The following PRKAG2 variants were observed in gnomAD, a reference collection of about 807,000 sequenced individuals.
PRKAG2 encodes protein kinase AMP-activated non-catalytic subunit gamma 2.
In PRKAG2, 26 loss-of-function variants were observed where a neutral mutation model predicts 69.6. That is an observed-to-expected ratio of 0.37 (90% CI 0.27 to 0.52). The LOEUF (loss-of-function observed/expected upper bound fraction) is 0.52, where lower values mean the gene tolerates loss of function less well. Ranked by LOEUF, PRKAG2 falls within the 20% of genes least tolerant of loss-of-function variation. PRKAG2 has a pLI of 0.90. For missense variants in PRKAG2, 557 were observed against 740.0 expected, an observed-to-expected ratio of 0.75 and a Z score of 2.87; for synonymous variants, 293 against 285.0, an observed-to-expected ratio of 1.03 and a Z score of -0.28.
At chr7:151,692,948 C>T (rs1406817703) in intron 3 of PRKAG2, among the ~76,000 whole-genome samples, 1 of 152,166 alleles carries the variant, frequency 6.6e-6, no homozygotes, top group African/African-American at 2.4e-5. Context: ...AGACAACTCC[C>T]TCCCCTCCTG....
At chr7:151,864,140 A>G (rs2080002800) in intron 1 of PRKAG2, among the ~76,000 whole-genome samples, 1 of 152,178 alleles carries the variant, frequency 6.6e-6, no homozygotes, top group Non-Finnish European at 1.5e-5. Context: ...ACTGCTGTGA[A>G]CTGGCTTCCT....
chr7:151,728,958 AC>A (rs1798453140), intron 3 of PRKAG2, among the ~76,000 whole-genome samples: 1 of 152,074 alleles, frequency 6.6e-6, no homozygotes, highest in Non-Finnish European at 1.5e-5. Flanking sequence ...AAGGACACGC[AC>A]CAGAGCTGCT....
rs1330438351 is a variant in PRKAG2, at chr7:151,781,053, C to T, written c.466+99G>A. On this transcript the variant is annotated intron_variant, in intron 3 of 15. Coordinates refer to ENST00000287878, the MANE Select transcript of PRKAG2 (RefSeq NM_016203.4). This position sits in a 1 kb window ranked among gnomAD's most constrained non-coding sequence, Gnocchi z 6.1. ...CAGGCACTCAGCACCAAGCTGCTCA[C>T]AGCCACCTGGCAGCTTCGGTGCCAC... is the stretch of plus-strand genomic sequence containing the variant. The T allele has an allele frequency of 3.9e-6, 6 of 1,532,234 alleles. No individual in the cohort carries two copies. The highest frequency in any genetic ancestry group is 5.4e-6 in the Non-Finnish European group (6 of 1,113,386). The allele number at this position is 1,532,234 out of a possible 1,614,324, so 94.9% of individuals were successfully genotyped here.
chr7:151,682,923 C>T (rs1834101523), intron 3 of PRKAG2, among the ~76,000 whole-genome samples: 1 of 152,238 alleles, frequency 6.6e-6, no homozygotes, highest in Non-Finnish European at 1.5e-5. Context: ...CCTAAGGGCC[C>T]AGGCAGAACT....
chr7:151,673,838 C>CTTTTTTTT (rs57744338), intron 4 of PRKAG2, among the ~76,000 whole-genome samples: 2 of 87,568 alleles, frequency 2.3e-5, no homozygotes, highest in Non-Finnish European at 2.2e-5. Context: ...AGCTTGTGTT[C>CTTTTTTTT]TTTTTTTTTT....
In PRKAG2 at chr7:151,650,525, A is replaced by G. The variant is rs572213895; in HGVS notation, c.685-18387T>C. On this transcript the variant is annotated intron_variant, in intron 4 of 15. Transcript: ENST00000287878. ...CAGTAATGCTTGACAACAGTGACAT[A>G]TGCTGACACGCTATACTAGCAGTTT... Among the ~76,000 whole-genome samples the G allele has an allele frequency of 8.5e-5, 13 of 152,296 alleles. 1 individual carries two copies. In the South Asian group the frequency reaches 2.7e-3, roughly 32 times the overall value.
intron 3 of PRKAG2, among the ~76,000 whole-genome samples, chr7:151,738,408 C>G (rs963941378): frequency 2.0e-5 from 3 of 152,280 alleles, no homozygotes; most frequent in Non-Finnish European, 2.9e-5. Context: ...AGCAAGCCCC[C>G]CAAAATCTGG....
chr7:151,735,857 C>A lies in PRKAG2; in HGVS notation c.466+45295G>T. Reference sequence around the variant, plus strand: ...GCACACACGCCGTGGGGTTCCCTCCCAAGGACAGACCACCAGGGGCTCGGG... The same window carrying A: ...GCACACACGCCGTGGGGTTCCCTCCAAAGGACAGACCACCAGGGGCTCGGG... On this transcript the variant is annotated intron_variant, in intron 3 of 15. Transcript: ENST00000287878. 3 of 1,535,886 alleles carry A rather than the reference C, an allele frequency of 2.0e-6. No homozygotes were observed. The South Asian group carries it at 3.6e-5, about 18-fold the overall frequency.
In PRKAG2 at chr7:151,632,079, G is replaced by T; in HGVS notation, c.744C>A (p.Phe248Leu). 1 of 1,408,256 alleles carries T rather than the reference G, an allele frequency of 7.1e-7. No homozygotes were observed. The highest frequency in any genetic ancestry group is 3.2e-5 in the East Asian group (1 of 31,514). 87.2% of individuals were successfully genotyped at this position (1,408,256 alleles called of 1,614,324 possible). A position where few individuals can be genotyped will look rare whatever the true frequency, so the allele number is the denominator to read the frequency against. The change falls in exon 5 of 16, where the codon TTC becomes TTA. Residue 248 changes from phenylalanine to leucine, a missense_variant. Phe to Leu is a conservative substitution (Grantham distance 22, BLOSUM62 0). Around this residue, in one of 2 missense-constraint regions of PRKAG2, gnomAD observed 352 missense variants for 356.7 expected, o/e 0.99. Transcript: ENST00000287878. The surrounding 1 kb of genome is among the most constrained non-coding windows in gnomAD (Gnocchi z 4.2). Reference protein sequence around the residue: ...AEAGMLEKLEFEDEAVEDSES... With the variant: ...AEAGMLEKLELEDEAVEDSES... ...GCGGGGCGCACTCACCTTCGTCCTC[G>T]AACTCCAGCTTCTCCAGCATGCCGG...
chr7:151,818,072 G>T (rs1324696433), intron 1 of PRKAG2, among the ~76,000 whole-genome samples: 2 of 152,134 alleles, frequency 1.3e-5, no homozygotes, highest in African/African-American at 2.4e-5. Context: ...AAAGGATCAG[G>T]TACCACCTGA....
intron 1 of PRKAG2, among the ~76,000 whole-genome samples, chr7:151,820,243 A>G (rs1180641328): frequency 6.6e-6 from 1 of 152,262 alleles, no homozygotes; most frequent in Non-Finnish European, 1.5e-5. Flanking sequence ...TGATGGGCTT[A>G]GCATAAATTC....
At chr7:151,805,194 TG>T (rs2078041191) in intron 1 of PRKAG2, among the ~76,000 whole-genome samples, 1 of 152,232 alleles carries the variant, frequency 6.6e-6, no homozygotes, top group Non-Finnish European at 1.5e-5. Flanking sequence ...CAGTTCCTCC[TG>T]GATCTCTTGT....
intron 4 of PRKAG2, among the ~76,000 whole-genome samples, chr7:151,647,488 C>T (rs1057491314): frequency 6.6e-6 from 1 of 152,148 alleles, no homozygotes. Flanking sequence ...AAAGCTATAG[C>T]GACTGCATTG....
intron 4 of PRKAG2, among the ~76,000 whole-genome samples, chr7:151,672,481 C>A (rs1452292096): frequency 6.6e-6 from 1 of 152,068 alleles, no homozygotes; most frequent in East Asian, 1.9e-4. Context: ...TTCATTGCCC[C>A]AACTCTTTCA....
At chr7:151,796,472 A>T (rs2077542192) in intron 1 of PRKAG2, among the ~76,000 whole-genome samples, 1 of 152,330 alleles carries the variant, frequency 6.6e-6, no homozygotes, top group South Asian at 2.1e-4. Context: ...ACAGGTTTAG[A>T]AAAGCACCAC....
intron 3 of PRKAG2, among the ~76,000 whole-genome samples, chr7:151,729,687 C>G (rs1798608697): frequency 6.6e-6 from 1 of 152,144 alleles, no homozygotes; most frequent in Non-Finnish European, 1.5e-5. Context: ...CTGCCAGAGA[C>G]CGGCTCCTGT....
intron 9 of PRKAG2, among the ~76,000 whole-genome samples, chr7:151,570,934 A>T (rs990723310): frequency 6.6e-6 from 1 of 150,388 alleles, no homozygotes; most frequent in East Asian, 2.0e-4. Flanking sequence ...CACCCTGCTA[A>T]TTTTTTTTGT....
chr7:151,581,472 T>A (rs1477299236), intron 6 of PRKAG2, among the ~76,000 whole-genome samples: 1 of 152,194 alleles, frequency 6.6e-6, no homozygotes, highest in Non-Finnish European at 1.5e-5. Flanking sequence ...CTTCCTTCAG[T>A]GGACACATTT....
chr7:151,610,241 T>C (rs1378095879), intron 5 of PRKAG2, among the ~76,000 whole-genome samples: 2 of 151,710 alleles, frequency 1.3e-5, no homozygotes, highest in Non-Finnish European at 2.9e-5. Context: ...TGGTGGCGGG[T>C]GCCTGTAGTC....
Sources: allele counts gnomAD v4.1 joint callset (sites outside exome capture counted in the v4.1 genomes callset), GRCh38; gene constraint gnomAD v4.1.1; regional missense constraint gnomAD v4.1.1; non-coding constraint Gnocchi (gnomAD v3.1); transcripts MANE v1.5; gene names NCBI Gene and HGNC (gene_info 2026-07-23, HGNC 2026-07-21).